Variants in LAMA3 observed in about 807,000 individuals in gnomAD.
LAMA3 encodes laminin subunit alpha 3.
Under a neutral mutation model 402.0 loss-of-function variants are expected in LAMA3, and 281 were observed. The ratio of observed to expected loss-of-function variants is 0.70; its 90% CI spans 0.63 to 0.77. The LOEUF (loss-of-function observed/expected upper bound fraction) is 0.77, where lower values mean the gene tolerates loss of function less well. LAMA3 is among the 30% of genes least tolerant of loss of function. The pLI, the probability that LAMA3 is intolerant of heterozygous loss-of-function variation, is 0.00. For missense variants in LAMA3, 3,840 were observed against 4,215.5 expected, an observed-to-expected ratio of 0.91 and a Z score of 2.47; for synonymous variants, 1,431 against 1,558.4, an observed-to-expected ratio of 0.92 and a Z score of 1.93.
At chr18:23,781,028 G>A (rs192017144) in intron 11 of LAMA3, among the ~76,000 whole-genome samples, 2 of 152,344 alleles carry the variant, frequency 1.3e-5, no homozygotes, top group East Asian at 3.9e-4. Context: ...AACTCTGGCA[G>A]TAGAGACGGA....
chr18:23,812,080 A>G (rs916391376), intron 13 of LAMA3, among the ~76,000 whole-genome samples: 6 of 151,966 alleles, frequency 3.9e-5, no homozygotes, highest in South Asian at 4.1e-4. Context: ...TCACCATGTC[A>G]GCCAGGATGA....
chr18:23,953,733 T>C (rs1015932881), intron 74 of LAMA3, among the ~76,000 whole-genome samples: 1 of 152,214 alleles, frequency 6.6e-6, no homozygotes, highest in Non-Finnish European at 1.5e-5. Flanking sequence ...TCTGAAAAAC[T>C]GGTCTCTGTC....
chr18:23,853,400 A>T (rs919395943), intron 32 of LAMA3, among the ~76,000 whole-genome samples: 7 of 152,018 alleles, frequency 4.6e-5, no homozygotes, highest in Admixed American at 2.6e-4. Context: ...CAGCCTGCCG[A>T]GTAGCTGGGA....
In LAMA3 at chr18:23,784,139, T is replaced by G. The variant is rs1053695458; in HGVS notation, c.1585T>G (p.Ser529Ala). 1.9e-6 allele frequency: 3 copies of G among 1,614,064 alleles called. No homozygotes were observed. The African/African-American group carries it at 4.0e-5, about 22-fold the overall frequency. The change falls in exon 12 of 75, where the codon TCA becomes GCA. Residue 529 changes from serine (S) to alanine (A), a missense_variant. Transcript: ENST00000313654. Reference protein sequence around the residue: ...RCDTCRSGFYSFPICQACWCS... With the variant: ...RCDTCRSGFYAFPICQACWCS... ...TGATACCTGCCGCTCTGGTTTCTACTCATTCCCTATTTGCCAAGGTAAGTG... is the reference window on the plus strand; with the variant it reads ...TGATACCTGCCGCTCTGGTTTCTACGCATTCCCTATTTGCCAAGGTAAGTG...
At chr18:23,746,259 G>A (rs2061650204) in intron 2 of LAMA3, among the ~76,000 whole-genome samples, 1 of 152,180 alleles carries the variant, frequency 6.6e-6, no homozygotes, top group African/African-American at 2.4e-5. Context: ...CCAGTAATCA[G>A]TGTGACAATT....
In LAMA3 at chr18:23,916,659, C is replaced by T. The variant is rs144720616; in HGVS notation, c.7887C>T (p.Thr2629=). 2.1e-5 allele frequency: 34 copies of T among 1,614,022 alleles called. No individual in the cohort carries two copies. Among genetic ancestry groups the T allele is most frequent in the African/African-American group, 1.1e-4 (8 of 74,908 alleles). ...CCTTTGGACAGACAATTCAGACCACCGTGGATAGAGGCTTGCTGTTCTTTG... is the reference window on the plus strand; with the variant it reads ...CCTTTGGACAGACAATTCAGACCACTGTGGATAGAGGCTTGCTGTTCTTTG... ...IPTFGQTIQT[T]VDRGLLFFAE... Residue 2629 remains threonine (T), a synonymous_variant, in exon 60 of 75, where the codon ACC becomes ACT. Transcript: ENST00000313654.
intron 8 of LAMA3, among the ~76,000 whole-genome samples, chr18:23,764,921 C>G (rs955136241): frequency 2.0e-5 from 3 of 152,068 alleles, no homozygotes; most frequent in Admixed American, 1.3e-4. Context: ...ATTGTCTTTT[C>G]TCTTAAGAAT....
At chr18:23,900,006 C>A (rs182176561) in intron 47 of LAMA3, among the ~76,000 whole-genome samples, 1 of 151,928 alleles carries the variant, frequency 6.6e-6, no homozygotes, top group Non-Finnish European at 1.5e-5. Flanking sequence ...ACACATATAT[C>A]GAAGGTAATT....
At chr18:23,882,852 T>C (rs1038774558) in intron 40 of LAMA3, among the ~76,000 whole-genome samples, 3 of 151,750 alleles carry the variant, frequency 2.0e-5, no homozygotes, top group Non-Finnish European at 2.9e-5. Context: ...AGAGAAAGGG[T>C]GGGAGTCATC....
At chr18:23,744,978 G>T (rs2061626847) in intron 2 of LAMA3, among the ~76,000 whole-genome samples, 1 of 152,050 alleles carries the variant, frequency 6.6e-6, no homozygotes. Flanking sequence ...ATACAATGGG[G>T]ATTATTGAGA....
intron 12 of LAMA3, among the ~76,000 whole-genome samples, chr18:23,789,417 C>G (rs57411472): frequency 0.029 from 4,431 of 152,196 alleles, 212 homozygotes; most frequent in African/African-American, 0.1. Flanking sequence ...GGGAAACAAC[C>G]CATATGCTCA....
chr18:23,909,393 G>C lies in LAMA3; in HGVS notation c.7158+98G>C, dbSNP rs2081359535. 3.4e-6 allele frequency: 4 copies of C among 1,180,570 alleles called. No individual in the cohort carries two copies. The East Asian group carries it at 9.4e-5, about 28-fold the overall frequency. 73.1% of individuals were successfully genotyped at this position (1,180,570 alleles called of 1,614,324 possible). On this transcript the variant is annotated intron_variant, in intron 55 of 74. Coordinates refer to ENST00000313654, the MANE Select transcript of LAMA3 (RefSeq NM_198129.4). ...AAAAACACTTATTTACTCAAGAATTGGTTGTCTTTCTTTCCCCAATTCTTG... is the reference window on the plus strand; with the variant it reads ...AAAAACACTTATTTACTCAAGAATTCGTTGTCTTTCTTTCCCCAATTCTTG...
intron 20 of LAMA3, 82 bp from the exon 21 acceptor site, chr18:23,824,341 T>A (rs556878966): frequency 6.9e-7 from 1 of 1,440,792 alleles, no homozygotes; most frequent in Non-Finnish European, 9.7e-7. Flanking sequence ...AGATGTAAAC[T>A]GAATGTTCAA....
At chr18:23,808,357 T>G (rs769395336) in intron 12 of LAMA3, among the ~76,000 whole-genome samples, 2 of 152,208 alleles carry the variant, frequency 1.3e-5, no homozygotes, top group Non-Finnish European at 2.9e-5. Flanking sequence ...TATTATTTTA[T>G]TTGTATTATT....
At position 23,882,021 on chromosome 18, in the gene LAMA3, C is replaced by T. The variant is rs750468166; in HGVS notation, c.5198C>T (p.Ala1733Val). 1 of 1,613,308 alleles carries T rather than the reference C, an allele frequency of 6.2e-7. No homozygotes were observed. Residue 1733 changes from alanine (A) to valine (V), a missense_variant, in exon 40 of 75, where the codon GCC becomes GTC. Physicochemically the swap from Ala to Val is moderately conservative, Grantham distance 64. Around this residue, in one of 3 missense-constraint regions of LAMA3, gnomAD observed 2,109 missense variants for 2,376.0 expected, o/e 0.89. Transcript: ENST00000313654. Reference sequence around the variant, plus strand: ...AACGCCGTCCACGGATCCTGCAGGGCCTGCCCATGTCCTCACACTAACAGG... The same window carrying T: ...AACGCCGTCCACGGATCCTGCAGGGTCTGCCCATGTCCTCACACTAACAGG... ...YGNAVHGSCR[A>V]CPCPHTNSFA...
At chr18:23,873,937 A>C (rs922965939) in intron 38 of LAMA3, among the ~76,000 whole-genome samples, 1 of 152,218 alleles carries the variant, frequency 6.6e-6, no homozygotes, top group Non-Finnish European at 1.5e-5. Flanking sequence ...TGTTCAATAT[A>C]ATCTGAGTAC....
chr18:23,882,558 C>T (rs1265011067), intron 40 of LAMA3, among the ~76,000 whole-genome samples: 3 of 151,104 alleles, frequency 2.0e-5, no homozygotes, highest in African/African-American at 7.3e-5. Context: ...TGTAGTGAGC[C>T]GAGATTGTAC....
chr18:23,811,318 C>G (rs2063064907), intron 13 of LAMA3, among the ~76,000 whole-genome samples: 1 of 152,102 alleles, frequency 6.6e-6, no homozygotes, highest in Non-Finnish European at 1.5e-5. Flanking sequence ...GAAGGCTGAC[C>G]CAGACTATCC....
intron 12 of LAMA3, 126 bp downstream of exon 12, chr18:23,784,283 T>A: frequency 1.8e-6 from 2 of 1,095,386 alleles, no homozygotes; most frequent in Non-Finnish European, 1.4e-6. Flanking sequence ...CTGGCTTATA[T>A]ATGGATGTTA....
Sources: allele counts gnomAD v4.1 joint callset (sites outside exome capture counted in the v4.1 genomes callset), GRCh38; gene constraint gnomAD v4.1.1; regional missense constraint gnomAD v4.1.1; transcripts MANE v1.5; gene names NCBI Gene and HGNC (gene_info 2026-07-23, HGNC 2026-07-21).